The following SH3RF1 variants were observed in gnomAD, a reference collection of about 807,000 sequenced individuals.
The protein encoded by SH3RF1 is E3 ubiquitin-protein ligase SH3RF1.
SH3RF1 carries 32 observed loss-of-function variants against 74.0 expected under a neutral mutation model. That is an observed-to-expected ratio of 0.43 (90% confidence interval 0.33 to 0.58). The LOEUF is 0.58. Among genes scored for constraint, SH3RF1 ranks in the 20% least tolerant of loss-of-function variants. The pLI, the probability that SH3RF1 is intolerant of heterozygous loss-of-function variation, is 0.05. For missense variants in SH3RF1, 954 were observed against 1,130.9 expected (o/e 0.84, Z 2.24); for synonymous variants, 396 against 439.6 (o/e 0.90, Z 1.24).
intron 10 of SH3RF1, among the ~76,000 whole-genome samples, chr4:169,113,413 A>G (rs1295030599): frequency 2.6e-5 from 4 of 152,158 alleles, no homozygotes; most frequent in African/African-American, 4.8e-5. Context: ...CCCGGCCCCA[A>G]TTTTCAAACA....
At chr4:169,163,667 T>C (rs961884049) in intron 2 of SH3RF1, among the ~76,000 whole-genome samples, 7 of 152,152 alleles carry the variant, frequency 4.6e-5, no homozygotes, top group Non-Finnish European at 7.3e-5. Context: ...ATCATGAGTT[T>C]TATGGCCCTC....
chr4:169,256,061 C>A (rs78732417), intron 2 of SH3RF1, among the ~76,000 whole-genome samples: 1 of 152,174 alleles, frequency 6.6e-6, no homozygotes, highest in East Asian at 1.9e-4. Context: ...AGCCACCATG[C>A]CTGGGCTCCT....
chr4:169,250,692 AT>A (rs1731088628), intron 2 of SH3RF1, among the ~76,000 whole-genome samples: 1 of 152,074 alleles, frequency 6.6e-6, no homozygotes, highest in South Asian at 2.1e-4. Context: ...GGTAGTGGGG[AT>A]GGGGGTAGGA....
chr4:169,146,424 T>G (rs1473617693), intron 4 of SH3RF1, among the ~76,000 whole-genome samples: 1 of 151,666 alleles, frequency 6.6e-6, no homozygotes, highest in African/African-American at 2.4e-5. Context: ...GAGACAGGGT[T>G]TCACCATGTT....
At chr4:169,229,416 T>C (rs980272090) in intron 2 of SH3RF1, among the ~76,000 whole-genome samples, 8 of 151,732 alleles carry the variant, frequency 5.3e-5, no homozygotes, top group African/African-American at 1.9e-4. Flanking sequence ...TTTTTTTGTG[T>C]CCCAAATTGT....
intron 11 of SH3RF1, among the ~76,000 whole-genome samples, chr4:169,099,282 T>G (rs1021543499): frequency 6.6e-6 from 1 of 152,180 alleles, no homozygotes; most frequent in Admixed American, 6.5e-5. Flanking sequence ...AGGGATGGCA[T>G]CTCACTATAT....
intron 2 of SH3RF1, among the ~76,000 whole-genome samples, chr4:169,250,459 T>A (rs1012609859): frequency 2.6e-4 from 39 of 152,212 alleles, no homozygotes; most frequent in Admixed American, 1.2e-3. Flanking sequence ...AATTTAAACA[T>A]CTGAATGAAT....
intron 2 of SH3RF1, among the ~76,000 whole-genome samples, chr4:169,209,733 G>A (rs11723743): frequency 0.019 from 2,923 of 152,232 alleles, 49 homozygotes; most frequent in Middle Eastern, 0.058. Flanking sequence ...GTAATGTACC[G>A]GAAAGTGTTG....
At chr4:169,257,556 C>A (rs1411040472) in intron 2 of SH3RF1, among the ~76,000 whole-genome samples, 2 of 152,202 alleles carry the variant, frequency 1.3e-5, no homozygotes, top group South Asian at 4.1e-4. Flanking sequence ...GCTCAGTTAC[C>A]TGCCTCCCCG....
Position 169,107,176 on chromosome 4 carries a change from A to C in SH3RF1, c.2169T>G (p.Leu723=), listed in dbSNP as rs373121688. The part of the protein sequence containing the change: ...KKEKKGLLKL[L]SGASTKRKPR... ...GCTTCCGTTTAGTGGAGGCGCCAGAAAGCAACTTCAACAAACCCTTTTTTT... is the reference window on the plus strand; with the variant it reads ...GCTTCCGTTTAGTGGAGGCGCCAGACAGCAACTTCAACAAACCCTTTTTTT... The change falls in exon 11 of 12, where the codon CTT becomes CTG. Residue 723 remains leucine (L), a synonymous_variant. Coordinates refer to ENST00000284637, the MANE Select transcript of SH3RF1 (RefSeq NM_020870.4). 43 of 1,557,000 alleles carry C rather than the reference A, an allele frequency of 2.8e-5. No individual in the cohort carries two copies. The highest frequency in any genetic ancestry group is 3.6e-5 in the Non-Finnish European group (42 of 1,152,442).
intron 2 of SH3RF1, among the ~76,000 whole-genome samples, chr4:169,188,944 G>T (rs1052715619): frequency 6.6e-6 from 1 of 152,076 alleles, no homozygotes; most frequent in Non-Finnish European, 1.5e-5. Flanking sequence ...GAATTATGTA[G>T]TTACCTCAAC....
intron 2 of SH3RF1, among the ~76,000 whole-genome samples, chr4:169,191,496 T>C (rs1033204169): frequency 6.6e-6 from 1 of 151,952 alleles, no homozygotes; most frequent in Non-Finnish European, 1.5e-5. Context: ...TTCAATGCAA[T>C]CCCCATCAAA....
intron 2 of SH3RF1, among the ~76,000 whole-genome samples, chr4:169,234,374 C>G (rs1730794787): frequency 6.6e-6 from 1 of 151,898 alleles, no homozygotes; most frequent in African/African-American, 2.4e-5. Context: ...GTTGGGAAAC[C>G]CTGATTTAGA....
intron 2 of SH3RF1, among the ~76,000 whole-genome samples, chr4:169,229,403 CT>C (rs917116664): frequency 7.9e-5 from 12 of 150,980 alleles, no homozygotes; most frequent in African/African-American, 1.5e-4. Flanking sequence ...CACATGATGT[CT>C]TTTTTTTTGT....
chr4:169,201,194 C>A (rs1315422176), intron 2 of SH3RF1, among the ~76,000 whole-genome samples: 1 of 152,050 alleles, frequency 6.6e-6, no homozygotes, highest in African/African-American at 2.4e-5. Flanking sequence ...GTAGCAGGAA[C>A]AATGAAATTT....
intron 5 of SH3RF1, among the ~76,000 whole-genome samples, chr4:169,130,415 A>C (rs145068153): frequency 6.6e-6 from 1 of 152,220 alleles, no homozygotes; most frequent in East Asian, 1.9e-4. Flanking sequence ...TTCAACTGCC[A>C]TTGGCTTTCA....
At chr4:169,158,611 G>A (rs949593356) in intron 2 of SH3RF1, among the ~76,000 whole-genome samples, 1 of 152,234 alleles carries the variant, frequency 6.6e-6, no homozygotes, top group Non-Finnish European at 1.5e-5. Context: ...GAAAATGGAC[G>A]TGAAGTGGGC....
intron 2 of SH3RF1, among the ~76,000 whole-genome samples, chr4:169,172,104 A>G (rs114283461): frequency 0.017 from 2,634 of 152,332 alleles, 71 homozygotes; most frequent in African/African-American, 0.06. Flanking sequence ...GAAGTACTCT[A>G]AATTTTCCAC....
intron 2 of SH3RF1, among the ~76,000 whole-genome samples, chr4:169,222,864 C>G (rs1359847349): frequency 6.6e-6 from 1 of 152,166 alleles, no homozygotes; most frequent in Non-Finnish European, 1.5e-5. Flanking sequence ...GCTAAGAAAA[C>G]TCAGTTCTAA....
Sources: gnomAD v4.1 joint callset for allele counts (sites outside exome capture counted in the v4.1 genomes callset) on GRCh38, gnomAD v4.1.1 for gene constraint, MANE v1.5 for transcripts, NCBI Gene and HGNC (gene_info 2026-07-23, HGNC 2026-07-21) for gene names.